COL14A1: variants seen among roughly 807,000 people sequenced by gnomAD.
COL14A1 encodes the protein collagen alpha-1(XIV) chain.
COL14A1 carries 136 observed loss-of-function variants against 230.3 expected under a neutral mutation model. The ratio of observed to expected loss-of-function variants is 0.59; its 90% CI spans 0.51 to 0.68. COL14A1 has a LOEUF of 0.68. COL14A1 is among the 30% of genes least tolerant of loss of function. The probability of loss-of-function intolerance (pLI) is 0.00; values close to 1 mark genes in which losing one functional copy is unlikely to be tolerated. For missense variants in COL14A1, 1,976 were observed against 2,215.8 expected (o/e 0.89, Z 2.17); for synonymous variants, 792 against 784.1 (o/e 1.01, Z -0.17).
chr8:120,147,818 C>A lies in COL14A1; in HGVS notation c.-25C>A, dbSNP rs78787513. Reference sequence around the variant, plus strand: ...TCTCTGTTTCTAGGTGGCTGCTACACCCCATGTAAAAAGCGGAAAATAAAA... The same window carrying A: ...TCTCTGTTTCTAGGTGGCTGCTACAACCCATGTAAAAAGCGGAAAATAAAA... On this transcript the variant is annotated 5_prime_UTR_variant, in exon 2 of 48. Transcript: ENST00000297848. 3 of 1,587,110 alleles carry A rather than the reference C, an allele frequency of 1.9e-6. No individual in the cohort carries two copies. The highest frequency in any genetic ancestry group is 4.5e-5 in the East Asian group (2 of 44,648).
Position 120,125,249 on chromosome 8 carries a change from G to C in COL14A1, c.-129G>C, listed in dbSNP as rs1332736657. ...TACTCCGAGGGAAGAGAGCAAGGGCGGTGCGCCGCCAAGGACCAACTAGCG... is the reference window on the plus strand; with the variant it reads ...TACTCCGAGGGAAGAGAGCAAGGGCCGTGCGCCGCCAAGGACCAACTAGCG... On this transcript the variant is annotated 5_prime_UTR_variant, in exon 1 of 48. Coordinates refer to ENST00000297848, the MANE Select transcript of COL14A1 (RefSeq NM_021110.4). The C allele has an allele frequency of 6.6e-6, 1 of 152,384 alleles. No homozygotes were observed. Among genetic ancestry groups the C allele is most frequent in the Non-Finnish European group, 1.5e-5 (1 of 68,172 alleles). 9.4% of individuals were successfully genotyped at this position (152,384 alleles called of 1,614,324 possible). A position where few individuals can be genotyped will look rare whatever the true frequency, so the allele number is the denominator to read the frequency against.
chr8:120,273,832 A>G (rs780508890), intron 26 of COL14A1, among the ~76,000 whole-genome samples: 1 of 150,890 alleles, frequency 6.6e-6, no homozygotes, highest in East Asian at 1.9e-4. Flanking sequence ...CCAGGGCCAG[A>G]TGGATTCACA....
rs182727428 is a variant in COL14A1, at chr8:120,371,417, T to C, written c.*186T>C. The C allele has an allele frequency of 1.9e-4, 73 of 391,566 alleles. 1 individual carries two copies. The Admixed American group carries it at 2.5e-3, about 14-fold the overall frequency. 24.3% of individuals were successfully genotyped at this position (391,566 alleles called of 1,614,324 possible). A position where few individuals can be genotyped will look rare whatever the true frequency, so the allele number is the denominator to read the frequency against. ...ACAAAAAATATATATTTTTAAAAAGTTCCCTTAATCTATGACATGGTAGCA... is the reference window on the plus strand; with the variant it reads ...ACAAAAAATATATATTTTTAAAAAGCTCCCTTAATCTATGACATGGTAGCA... On this transcript the variant is annotated 3_prime_UTR_variant, in exon 48 of 48. Coordinates refer to ENST00000297848, the MANE Select transcript of COL14A1 (RefSeq NM_021110.4).
At chr8:120,321,145 G>A (rs528488585) in intron 40 of COL14A1, among the ~76,000 whole-genome samples, 2 of 152,224 alleles carry the variant, frequency 1.3e-5, no homozygotes, top group Admixed American at 6.5e-5. Context: ...ACTTCAACAC[G>A]GAAGATGTTG....
At chr8:120,196,282 T>C (rs1395216432) in intron 5 of COL14A1, among the ~76,000 whole-genome samples, 1 of 152,240 alleles carries the variant, frequency 6.6e-6, no homozygotes, top group Non-Finnish European at 1.5e-5. Flanking sequence ...AAAAAGTCTC[T>C]GTACCTTTGT....
chr8:120,298,624 T>C (rs1275010231), intron 35 of COL14A1, among the ~76,000 whole-genome samples: 1 of 100,148 alleles, frequency 1.0e-5, no homozygotes. Context: ...TATATATATA[T>C]ATATATATAT....
intron 47 of COL14A1, 29 bp from the exon 48 acceptor site, chr8:120,371,123 A>G (rs1157648870): frequency 1.3e-6 from 2 of 1,552,088 alleles, no homozygotes; most frequent in Non-Finnish European, 1.8e-6. Flanking sequence ...TGGGTGCAGC[A>G]AGTCCCCACC....
At chr8:120,162,598 C>T (rs11987656) in intron 4 of COL14A1, 29 bp downstream of exon 4, 14 of 1,560,912 alleles carry the variant, frequency 9.0e-6, no homozygotes, top group South Asian at 2.5e-5. Flanking sequence ...CAAAGCACCT[C>T]CGCAGGACTC....
intron 44 of COL14A1, among the ~76,000 whole-genome samples, 197 bp downstream of exon 44, chr8:120,342,643 A>G (rs1822346458): frequency 6.6e-6 from 1 of 152,214 alleles, no homozygotes; most frequent in Non-Finnish European, 1.5e-5. Context: ...CATCGATGGT[A>G]CAAAAGCCAA....
At chr8:120,238,489 A>C (rs1224254715) in intron 19 of COL14A1, among the ~76,000 whole-genome samples, 1 of 152,144 alleles carries the variant, frequency 6.6e-6, no homozygotes, top group African/African-American at 2.4e-5. Context: ...GGTTGACTTC[A>C]CATTGCTGTG....
At position 120,354,034 on chromosome 8, in the gene COL14A1, A is replaced by G. The variant is rs1354961316; in HGVS notation, c.5077+8471A>G. Among the ~76,000 whole-genome samples, 7 of 127,986 alleles carry G rather than the reference A, an allele frequency of 5.5e-5. 1 individual carries two copies. Among genetic ancestry groups the G allele is most frequent in the African/African-American group, 1.9e-4 (6 of 31,578 alleles). 84.0% of individuals were successfully genotyped at this position (127,986 alleles called of 152,430 possible). On this transcript the variant is annotated intron_variant, in intron 45 of 47. Coordinates refer to ENST00000297848, the MANE Select transcript of COL14A1 (RefSeq NM_021110.4). ...AGACTGGATTAAGAAAATGTGGCAC[A>G]TATACACCATGGAATACTATGCAGC...
Position 120,266,845 on chromosome 8 carries a change from C to T in COL14A1, c.3035C>T (p.Pro1012Leu). 6.2e-7 allele frequency: 1 copy of T among 1,612,292 alleles called. No homozygotes were observed. The change falls in exon 25 of 48, where the codon CCA becomes CTA. Residue 1012 changes from proline (P) to leucine (L), a missense_variant. This residue lies in a region of COL14A1 where 1,791 missense variants were observed against 2,019.5 expected (regional missense o/e 0.89). Transcript: ENST00000297848. ...TTTACAGAATCACTTCCTACACGAC[C>T]ACCAACTTTTCCTCCAACCATTCCA... is the stretch of plus-strand genomic sequence containing the variant. ...MEKTQSLPTR[P>L]PTFPPTIPPA...
At chr8:120,200,050 C>CAT (rs1015120169) in intron 8 of COL14A1, among the ~76,000 whole-genome samples, 18 of 150,576 alleles carry the variant, frequency 1.2e-4, no homozygotes, top group East Asian at 1.9e-4. Context: ...TGTGAAAAAG[C>CAT]ATATATATAT....
intron 45 of COL14A1, among the ~76,000 whole-genome samples, chr8:120,354,547 T>C (rs1043086226): frequency 1.3e-5 from 2 of 152,182 alleles, no homozygotes; most frequent in African/African-American, 4.8e-5. Flanking sequence ...TACATGGCTT[T>C]TCATGACTTT....
Position 120,345,562 on chromosome 8 carries a change from A to G in COL14A1, c.5076A>G (p.Arg1692=). The G allele has an allele frequency of 6.5e-7, 1 of 1,541,740 alleles. No individual in the cohort carries two copies. Among genetic ancestry groups the G allele is most frequent in the South Asian group, 1.2e-5 (1 of 80,220 alleles). ...NAGVPGTPGE[R]GLTGIKGEKG... is the part of the protein sequence containing the mutation. ...GCGTGCCAGGGACCCCAGGAGAACGAGGTAAGCTGGGCCCCTTCTCTCAGA... is the reference window on the plus strand; with the variant it reads ...GCGTGCCAGGGACCCCAGGAGAACGGGGTAAGCTGGGCCCCTTCTCTCAGA... The change falls in exon 45 of 48, where the codon CGA becomes CGG. Residue 1692 remains arginine (R), a splice_region_variant and synonymous_variant. Transcript: ENST00000297848.
intron 1 of COL14A1, among the ~76,000 whole-genome samples, chr8:120,144,143 T>G (rs1815009241): frequency 6.6e-6 from 1 of 152,146 alleles, no homozygotes; most frequent in Non-Finnish European, 1.5e-5. Context: ...TGTTTGCACT[T>G]GATTAGTTTC....
At chr8:120,334,254 C>T (rs1171392306) in intron 42 of COL14A1, among the ~76,000 whole-genome samples, 1 of 152,166 alleles carries the variant, frequency 6.6e-6, no homozygotes, top group Non-Finnish European at 1.5e-5. Context: ...GGTACACAAA[C>T]CCATACAGGT....
At chr8:120,154,061 G>A (rs1445912519) in intron 2 of COL14A1, among the ~76,000 whole-genome samples, 1 of 152,140 alleles carries the variant, frequency 6.6e-6, no homozygotes, top group Admixed American at 6.5e-5. Flanking sequence ...GAGGAGATGC[G>A]ATTATGGGTA....
intron 19 of COL14A1, among the ~76,000 whole-genome samples, chr8:120,232,532 C>T (rs1295630536): frequency 6.6e-6 from 1 of 152,134 alleles, no homozygotes; most frequent in African/African-American, 2.4e-5. Flanking sequence ...GTTGCCTGTT[C>T]CTGTGTTAGT....
Sources: gnomAD v4.1 joint callset for allele counts (sites outside exome capture counted in the v4.1 genomes callset) on GRCh38, gnomAD v4.1.1 for gene constraint, gnomAD v4.1.1 regional missense constraint, MANE v1.5 for transcripts, NCBI Gene and HGNC (gene_info 2026-07-23, HGNC 2026-07-21) for gene names.